SH3RF1: variants seen among roughly 807,000 people sequenced by gnomAD.
SH3RF1 encodes SH3 domain containing ring finger 1.
SH3RF1 carries 32 observed loss-of-function variants against 74.0 expected under a neutral mutation model. The ratio of observed to expected loss-of-function variants is 0.43; its 90% CI spans 0.33 to 0.58. The LOEUF (loss-of-function observed/expected upper bound fraction) is 0.58. Ranked by LOEUF, SH3RF1 falls within the 20% of genes least tolerant of loss-of-function variation. SH3RF1 has a pLI of 0.05. For synonymous variants in SH3RF1, 396 were observed against 439.6 expected (o/e 0.90, Z 1.24); for missense variants, 954 against 1,130.9 (o/e 0.84, Z 2.24).
intron 2 of SH3RF1, among the ~76,000 whole-genome samples, chr4:169,256,786 G>A (rs1189534342): frequency 6.6e-6 from 1 of 151,998 alleles, no homozygotes; most frequent in African/African-American, 2.4e-5. Context: ...ATTTAGAAGG[G>A]GGATGGGGAT....
intron 2 of SH3RF1, among the ~76,000 whole-genome samples, chr4:169,246,142 T>C (rs1579160611): frequency 6.6e-6 from 1 of 152,212 alleles, no homozygotes; most frequent in African/African-American, 2.4e-5. Flanking sequence ...TTCATGCAAA[T>C]TGTATATTAC....
At position 169,212,037 on chromosome 4, in the gene SH3RF1, AT is replaced by A. The variant is rs1171254453; in HGVS notation, c.394-55359del. 1.4e-3 allele frequency among the ~76,000 whole-genome samples: 153 copies of A among 112,712 alleles called. No homozygotes were observed. In the East Asian group the frequency reaches 0.014, roughly 10 times the overall value. The allele number at this position is 112,712 out of a possible 152,430, so 73.9% of individuals were successfully genotyped here. ...GGTTTCTATAAGATCTTGTTTTCTAATTTTTTTTTCTTTTCTTTTCTTTTTT... is the reference window on the plus strand; with the variant it reads ...GGTTTCTATAAGATCTTGTTTTCTAATTTTTTTTCTTTTCTTTTCTTTTTT... On this transcript the variant is annotated intron_variant, in intron 2 of 11. Coordinates refer to ENST00000284637, the MANE Select transcript of SH3RF1 (RefSeq NM_020870.4).
intron 2 of SH3RF1, among the ~76,000 whole-genome samples, chr4:169,197,480 G>A (rs966829759): frequency 6.6e-6 from 1 of 151,888 alleles, no homozygotes; most frequent in African/African-American, 2.4e-5. Context: ...ACAAAAATTA[G>A]CCAGTCGTGG....
intron 2 of SH3RF1, among the ~76,000 whole-genome samples, chr4:169,170,057 T>C (rs917308366): frequency 2.0e-5 from 3 of 151,932 alleles, no homozygotes; most frequent in East Asian, 1.9e-4. Context: ...GGCAGTTTTA[T>C]TGAGGCTTCC....
intron 2 of SH3RF1, among the ~76,000 whole-genome samples, chr4:169,248,021 T>G (rs1178208401): frequency 1.3e-5 from 2 of 152,176 alleles, no homozygotes; most frequent in African/African-American, 4.8e-5. Context: ...GAAACAGAAA[T>G]GCTTTTACAC....
At chr4:169,264,596 C>T (rs1731324203) in intron 2 of SH3RF1, among the ~76,000 whole-genome samples, 1 of 152,172 alleles carries the variant, frequency 6.6e-6, no homozygotes, top group African/African-American at 2.4e-5. Flanking sequence ...ATCTAGAATT[C>T]CCTACCTTTC....
Position 169,157,882 on chromosome 4 carries a change from A to G in SH3RF1, c.394-1203T>C, listed in dbSNP as rs1156769502. Among the ~76,000 whole-genome samples the G allele has an allele frequency of 2.0e-5, 3 of 151,768 alleles. No individual in the cohort carries two copies. In the South Asian group the frequency reaches 6.3e-4, roughly 32 times the overall value. On this transcript the variant is annotated intron_variant, in intron 2 of 11. Transcript: ENST00000284637. ...CAGCCTCCCAAGTAGCTGGGATTGC[A>G]GGCAAGCACCACTATGTCTGGCTCA...
At chr4:169,137,995 G>A (rs1408050681) in intron 4 of SH3RF1, among the ~76,000 whole-genome samples, 1 of 152,190 alleles carries the variant, frequency 6.6e-6, no homozygotes, top group Non-Finnish European at 1.5e-5. Flanking sequence ...ATAATAGGCA[G>A]TAACGCCAGA....
At chr4:169,178,281 T>TAAATAAGCAACTATGCTTATTCAAAA (rs1734453880) in intron 2 of SH3RF1, among the ~76,000 whole-genome samples, 1 of 114,022 alleles carries the variant, frequency 8.8e-6, no homozygotes, top group Non-Finnish European at 1.8e-5. Context: ...AATTTTTTTT[T>TAAATAAGCAACTATGCTTATTCAAAA]AAATAAGCAA....
At chr4:169,250,336 C>T (rs906681814) in intron 2 of SH3RF1, among the ~76,000 whole-genome samples, 8 of 151,734 alleles carry the variant, frequency 5.3e-5, no homozygotes, top group East Asian at 1.9e-4. Flanking sequence ...AAAAAGCTTG[C>T]GGCAAGATTA....
chr4:169,130,053 G>A lies in SH3RF1; in HGVS notation c.1172C>T (p.Ala391Val). The change falls in exon 6 of 12, where the codon GCC becomes GTC. Residue 391 changes from alanine to valine, a missense_variant. By Grantham distance (64) the Ala-to-Val change is moderately conservative. Around this residue, in one of 3 missense-constraint regions of SH3RF1, gnomAD observed 854 missense variants for 962.5 expected, o/e 0.89. Transcript: ENST00000284637. ...GGGAGAAACTATACTCACTCCAAGG[G>A]CAGCTTGGTAGGGAACATCTGATGG... ...TFPSDVPYQA[A>V]LGTLNPPLPP... The A allele has an allele frequency of 6.2e-7, 1 of 1,613,136 alleles. No homozygotes were observed. Among genetic ancestry groups the A allele is most frequent in the Non-Finnish European group, 8.5e-7 (1 of 1,179,464 alleles).
intron 2 of SH3RF1, among the ~76,000 whole-genome samples, chr4:169,191,668 T>C (rs1462680362): frequency 6.6e-6 from 1 of 151,960 alleles, no homozygotes; most frequent in East Asian, 1.9e-4. Flanking sequence ...GTCACCACAA[T>C]AGCATGGTAC....
At chr4:169,130,549 G>A (rs1433766944) in intron 5 of SH3RF1, among the ~76,000 whole-genome samples, 1 of 152,166 alleles carries the variant, frequency 6.6e-6, no homozygotes, top group Non-Finnish European at 1.5e-5. Flanking sequence ...GGTAGTGGCT[G>A]AACACTCACC....
intron 2 of SH3RF1, among the ~76,000 whole-genome samples, chr4:169,259,957 T>G (rs975634129): frequency 6.6e-6 from 1 of 152,178 alleles, no homozygotes; most frequent in Non-Finnish European, 1.5e-5. Context: ...ACCTTAAAAT[T>G]TTAAAGTCTT....
chr4:169,219,737 A>G (rs887009512), intron 2 of SH3RF1, among the ~76,000 whole-genome samples: 1 of 152,242 alleles, frequency 6.6e-6, no homozygotes, highest in East Asian at 1.9e-4. Flanking sequence ...TTGCTGTTCA[A>G]ACCAGGGGTT....
At chr4:169,168,467 A>T (rs1412815946) in intron 2 of SH3RF1, among the ~76,000 whole-genome samples, 2 of 152,222 alleles carry the variant, frequency 1.3e-5, no homozygotes, top group Non-Finnish European at 2.9e-5. Context: ...GAAAATATTG[A>T]CAGAAAAGCT....
intron 2 of SH3RF1, among the ~76,000 whole-genome samples, chr4:169,265,518 G>C (rs1731338243): frequency 6.6e-6 from 1 of 152,148 alleles, no homozygotes; most frequent in African/African-American, 2.4e-5. Flanking sequence ...TTTTTGGCCA[G>C]ACTGGAGTGC....
intron 2 of SH3RF1, among the ~76,000 whole-genome samples, chr4:169,212,227 G>A (rs1335873407): frequency 6.6e-6 from 1 of 151,768 alleles, no homozygotes; most frequent in Non-Finnish European, 1.5e-5. Context: ...ACCATGCCCA[G>A]CTGATTTTGT....
At chr4:169,108,159 T>G (rs977551017) in intron 10 of SH3RF1, among the ~76,000 whole-genome samples, 1 of 152,216 alleles carries the variant, frequency 6.6e-6, no homozygotes, top group African/African-American at 2.4e-5. Context: ...TTTACCAAGA[T>G]GTCAACTACA....
Sources: allele counts gnomAD v4.1 joint callset (sites outside exome capture counted in the v4.1 genomes callset), GRCh38; gene constraint gnomAD v4.1.1; regional missense constraint gnomAD v4.1.1; transcripts MANE v1.5; gene names NCBI Gene and HGNC (gene_info 2026-07-23, HGNC 2026-07-21).